Variants in TDRD3 observed in about 807,000 individuals in gnomAD.
TDRD3 encodes tudor domain-containing protein 3.
In TDRD3, 45 loss-of-function variants were observed where a neutral mutation model predicts 86.7. That is an observed-to-expected ratio of 0.52 (90% confidence interval 0.41 to 0.67). TDRD3 has a LOEUF of 0.67. Ranked by LOEUF, TDRD3 falls within the 30% of genes least tolerant of loss-of-function variation. The pLI is 0.00. For synonymous variants in TDRD3, 298 were observed against 301.7 expected (o/e 0.99, Z 0.13); for missense variants, 814 against 889.0 (o/e 0.92, Z 1.07).
intron 12 of TDRD3, among the ~76,000 whole-genome samples, chr13:60,559,275 GT>G (rs1277265971): frequency 2.6e-5 from 4 of 152,122 alleles, no homozygotes; most frequent in African/African-American, 9.7e-5. Context: ...TGCCTATGAT[GT>G]GGTAGAATCT....
chr13:60,499,013 G>C (rs1365379519), intron 8 of TDRD3, among the ~76,000 whole-genome samples: 1 of 152,192 alleles, frequency 6.6e-6, no homozygotes, highest in East Asian at 1.9e-4. Context: ...ATACTTAGCA[G>C]CTGGCAGAAC....
intron 12 of TDRD3, among the ~76,000 whole-genome samples, chr13:60,555,358 G>A (rs560568778): frequency 6.6e-6 from 1 of 152,324 alleles, no homozygotes; most frequent in East Asian, 1.9e-4. Context: ...AATGCTTATT[G>A]TGTGCTTGAC....
At chr13:60,397,770 G>A (rs1953971778) in intron 1 of TDRD3, among the ~76,000 whole-genome samples, 2 of 151,816 alleles carry the variant, frequency 1.3e-5, no homozygotes. Flanking sequence ...GCTTCTCCGG[G>A]GAGGGGGTGT....
chr13:60,520,837 G>C (rs898608764), intron 10 of TDRD3, among the ~76,000 whole-genome samples: 2 of 152,152 alleles, frequency 1.3e-5, no homozygotes, highest in African/African-American at 4.8e-5. Context: ...TCAGTGGTTA[G>C]GACTGGAATT....
Position 60,529,125 on chromosome 13 carries a change from G to C in TDRD3, c.1900G>C (p.Glu634Gln). 6.2e-7 allele frequency: 1 copy of C among 1,613,426 alleles called. No homozygotes were observed. Among genetic ancestry groups the C allele is most frequent in the Non-Finnish European group, 8.5e-7 (1 of 1,179,754 alleles). ...ACGAAGATCTGGGCCAATTAAGCCAGAAAAAATACTAGAATCATCTATTCC... is the reference window on the plus strand; with the variant it reads ...ACGAAGATCTGGGCCAATTAAGCCACAAAAAATACTAGAATCATCTATTCC... ...PKRRSGPIKP[E>Q]KILESSIPME... The change falls in exon 11 of 14, where the codon GAA (glutamate) becomes CAA (glutamine). Residue 634 changes from glutamate to glutamine, a missense_variant. Coordinates refer to ENST00000377881, the MANE Select transcript of TDRD3 (RefSeq NM_001146070.2).
At chr13:60,515,272 A>G (rs1391737621) in intron 10 of TDRD3, among the ~76,000 whole-genome samples, 1 of 152,186 alleles carries the variant, frequency 6.6e-6, no homozygotes, top group East Asian at 1.9e-4. Context: ...TCGAATGGCT[A>G]CTAAATACTT....
At chr13:60,448,427 G>T (rs1397831583) in intron 3 of TDRD3, among the ~76,000 whole-genome samples, 3 of 152,080 alleles carry the variant, frequency 2.0e-5, no homozygotes, top group Admixed American at 2.0e-4. Context: ...TAGTAGTTTT[G>T]CTCAGGTTCT....
At chr13:60,537,926 A>T (rs559247556) in intron 12 of TDRD3, 2 of 152,192 alleles carry the variant, frequency 1.3e-5, no homozygotes, top group East Asian at 3.9e-4. Flanking sequence ...AAAAGCCTGC[A>T]TATAAGCCAA....
At chr13:60,469,690 G>A (rs936414040) in intron 5 of TDRD3, among the ~76,000 whole-genome samples, 11 of 152,150 alleles carry the variant, frequency 7.2e-5, no homozygotes, top group Non-Finnish European at 1.2e-4. Context: ...GCAGCTGGCA[G>A]TGATATACAT....
intron 8 of TDRD3, among the ~76,000 whole-genome samples, chr13:60,496,310 T>TAGG (rs1388769823): frequency 3.4e-5 from 2 of 59,400 alleles, no homozygotes; most frequent in Non-Finnish European, 7.7e-5. Flanking sequence ...TATATATATA[T>TAGG]ATATATATAT....
intron 8 of TDRD3, among the ~76,000 whole-genome samples, chr13:60,505,132 A>C (rs901246972): frequency 6.6e-6 from 1 of 152,208 alleles, no homozygotes; most frequent in African/African-American, 2.4e-5. Context: ...CAGGGCGCCA[A>C]GTAGTCTAGC....
At chr13:60,457,163 T>C (rs1261637686) in intron 3 of TDRD3, among the ~76,000 whole-genome samples, 2 of 152,160 alleles carry the variant, frequency 1.3e-5, no homozygotes, top group African/African-American at 4.8e-5. Context: ...TATTTACTGG[T>C]TTACTCATAG....
chr13:60,435,786 G>A (rs577034758), intron 1 of TDRD3, among the ~76,000 whole-genome samples: 2 of 152,288 alleles, frequency 1.3e-5, no homozygotes, highest in African/African-American at 2.4e-5. Flanking sequence ...TAGATACCCA[G>A]TAGTAGGATT....
At chr13:60,460,770 C>CT (rs1468536221) in intron 4 of TDRD3, 3 of 302,818 alleles carry the variant, frequency 9.9e-6, no homozygotes, top group African/African-American at 6.7e-5. Context: ...TTTGGGAGGC[C>CT]AAGGGGGACG....
At chr13:60,542,821 T>C (rs752089801) in intron 12 of TDRD3, among the ~76,000 whole-genome samples, 4 of 152,228 alleles carry the variant, frequency 2.6e-5, no homozygotes, top group South Asian at 2.1e-4. Context: ...ATTTTTAAAT[T>C]TCTTTTTCTT....
At chr13:60,430,711 A>G (rs1954933722) in intron 1 of TDRD3, among the ~76,000 whole-genome samples, 2 of 152,088 alleles carry the variant, frequency 1.3e-5, no homozygotes, top group South Asian at 4.1e-4. Context: ...TTATTTACAA[A>G]TTTTTACTTG....
intron 1 of TDRD3, among the ~76,000 whole-genome samples, chr13:60,438,148 C>T (rs1171958321): frequency 1.3e-5 from 2 of 152,124 alleles, no homozygotes; most frequent in African/African-American, 4.8e-5. Context: ...ATACTTTTCA[C>T]ATAAGCGGGG....
intron 3 of TDRD3, among the ~76,000 whole-genome samples, chr13:60,458,407 C>T (rs1955727343): frequency 6.6e-6 from 1 of 152,176 alleles, no homozygotes; most frequent in Non-Finnish European, 1.5e-5. Context: ...GAGAAGGTGT[C>T]ATGTCAACAC....
intron 12 of TDRD3, among the ~76,000 whole-genome samples, chr13:60,552,259 A>C (rs1221723487): frequency 6.6e-6 from 1 of 152,230 alleles, no homozygotes; most frequent in African/African-American, 2.4e-5. Flanking sequence ...AAATGTTCCT[A>C]TTCCAAATGG....
Sources: gnomAD v4.1 joint callset for allele counts (sites outside exome capture counted in the v4.1 genomes callset) on GRCh38, gnomAD v4.1.1 for gene constraint, MANE v1.5 for transcripts, NCBI Gene and HGNC (gene_info 2026-07-23, HGNC 2026-07-21) for gene names.